CLNK: variants seen among roughly 807,000 people sequenced by gnomAD.
CLNK encodes the protein cytokine dependent hematopoietic cell linker.
Under a neutral mutation model 68.6 loss-of-function variants are expected in CLNK, and 74 were observed. That is an observed-to-expected ratio of 1.08 (90% CI 0.89 to 1.31). CLNK has a LOEUF of 1.31. Among genes scored for constraint, CLNK ranks in the 50% most tolerant of loss-of-function variants. The pLI is 0.00. For missense variants in CLNK, 553 were observed against 515.3 expected, an observed-to-expected ratio of 1.07 and a Z score of -0.71; for synonymous variants, 198 against 172.2, an observed-to-expected ratio of 1.15 and a Z score of -1.17.
At chr4:10,655,101 G>GAA (rs748148319) in intron 2 of CLNK, among the ~76,000 whole-genome samples, 76 of 72,724 alleles carry the variant, frequency 1.0e-3, no homozygotes, top group Admixed American at 2.8e-3. Context: ...ACACCGACTC[G>GAA]AAAAAAAAAA....
At chr4:10,559,168 C>G (rs1191597269) in intron 7 of CLNK, among the ~76,000 whole-genome samples, 1 of 152,074 alleles carries the variant, frequency 6.6e-6, no homozygotes, top group Admixed American at 6.5e-5. Context: ...ATAAAGGGGT[C>G]CCTACGTCTT....
chr4:10,659,387 A>T (rs4339204), intron 2 of CLNK, among the ~76,000 whole-genome samples: 67,496 of 152,074 alleles, frequency 0.44, 15,568 homozygotes, highest in East Asian at 0.53. Flanking sequence ...TAGTTACTAT[A>T]ACGATTTCAT....
intron 7 of CLNK, among the ~76,000 whole-genome samples, chr4:10,562,090 CTTTTTCTTTTCT>C (rs1408121191): frequency 7.8e-6 from 1 of 128,514 alleles, no homozygotes; most frequent in African/African-American, 2.9e-5. Context: ...CATTTCTTTT[CTTTTTCTTTTCT>C]TTTTTTTTTT....
At chr4:10,695,347 T>C in the CLNK span, among the ~76,000 whole-genome samples, 1 of 152,218 alleles carries the variant, frequency 6.6e-6, no homozygotes, top group Non-Finnish European at 1.5e-5. Context: ...CAATTTATAA[T>C]TTAGTTGACA....
At chr4:10,513,676 A>T in intron 15 of CLNK, 79 bp from the exon 16 acceptor site, 8 of 1,405,970 alleles carry the variant, frequency 5.7e-6, no homozygotes, top group Non-Finnish European at 9.5e-7. Context: ...AGGAGCTGAA[A>T]CCCTTTGCTC....
chr4:10,665,169 T>C (rs1724341100), intron 2 of CLNK, among the ~76,000 whole-genome samples: 2 of 152,232 alleles, frequency 1.3e-5, no homozygotes, highest in African/African-American at 2.4e-5. Flanking sequence ...GGTTTGGCTG[T>C]CCTCTGGCCT....
At chr4:10,630,393 C>T (rs1390587937) in intron 2 of CLNK, among the ~76,000 whole-genome samples, 5 of 152,246 alleles carry the variant, frequency 3.3e-5, no homozygotes, top group East Asian at 3.8e-4. Context: ...CTGGCCCAGG[C>T]TCTCACAGGC....
At chr4:10,547,194 G>A (rs1719266643) in intron 8 of CLNK, among the ~76,000 whole-genome samples, 1 of 152,170 alleles carries the variant, frequency 6.6e-6, no homozygotes, top group Admixed American at 6.5e-5. Context: ...ACGAGGAGGA[G>A]GTAAGCCCAG....
chr4:10,716,129 G>A, the CLNK span, among the ~76,000 whole-genome samples: 17 of 152,192 alleles, frequency 1.1e-4, no homozygotes, highest in East Asian at 1.7e-3. Flanking sequence ...AACAATAAGC[G>A]GTTTCTGAAT....
chr4:10,562,607 T>C (rs962066841), intron 7 of CLNK, among the ~76,000 whole-genome samples: 2 of 152,168 alleles, frequency 1.3e-5, no homozygotes, highest in Non-Finnish European at 2.9e-5. Context: ...AGTTTTACCA[T>C]GTTGGCCAGG....
At chr4:10,577,926 A>T (rs1394822236) in intron 4 of CLNK, among the ~76,000 whole-genome samples, 1 of 152,200 alleles carries the variant, frequency 6.6e-6, no homozygotes, top group African/African-American at 2.4e-5. Flanking sequence ...GGAAGGCAAC[A>T]TGTATTTCAT....
the CLNK span, among the ~76,000 whole-genome samples, chr4:10,690,102 G>A: frequency 1.3e-5 from 2 of 152,096 alleles, no homozygotes; most frequent in Non-Finnish European, 2.9e-5. Context: ...CAATTTTCAT[G>A]GCTGCTAAGA....
chr4:10,728,745 C>T, the CLNK span, among the ~76,000 whole-genome samples: 3 of 151,796 alleles, frequency 2.0e-5, no homozygotes, highest in Non-Finnish European at 2.9e-5. Flanking sequence ...CCTGCCACCA[C>T]GCCTGGCTAA....
intron 2 of CLNK, among the ~76,000 whole-genome samples, chr4:10,651,985 AAAAAGAAAC>A (rs1223204126): frequency 6.6e-6 from 1 of 152,020 alleles, no homozygotes; most frequent in Non-Finnish European, 1.5e-5. Context: ...GAGATCAAAA[AAAAAGAAAC>A]AAAAAGGGGG....
At chr4:10,685,183 C>G (rs1725225446), upstream of CLNK, 1 of 152,112 alleles carries the variant, frequency 6.6e-6, no homozygotes, top group Non-Finnish European at 1.5e-5. Flanking sequence ...AGGAAAGAAC[C>G]TGGGAACTAA....
the CLNK span, among the ~76,000 whole-genome samples, chr4:10,730,069 G>A: frequency 0.073 from 11,064 of 152,238 alleles, 529 homozygotes; most frequent in East Asian, 0.18. Flanking sequence ...ATGATTAAAA[G>A]CCAAAAGATA....
chr4:10,569,213 T>A (rs1720244085), intron 5 of CLNK, among the ~76,000 whole-genome samples: 1 of 146,978 alleles, frequency 6.8e-6, no homozygotes, highest in Non-Finnish European at 1.5e-5. Context: ...TTTTGGTCAT[T>A]TTTCCATTCC....
rs1716392273 is a variant in CLNK at position 10,487,480 on chromosome 4, C to A, written c.*2987G>T. Reference sequence around the variant, plus strand: ...ATGTGATTGTCCTTACTACAATCAACACTGAAAACAGTGAATTCAGGATGT... The same window carrying A: ...ATGTGATTGTCCTTACTACAATCAAAACTGAAAACAGTGAATTCAGGATGT... On this transcript the variant is annotated 3_prime_UTR_variant, in exon 19 of 19. Coordinates refer to ENST00000226951, the MANE Select transcript of CLNK (RefSeq NM_052964.4). 6.6e-6 allele frequency: 1 copy of A among 152,150 alleles called. No homozygotes were observed. Among genetic ancestry groups the A allele is most frequent in the African/African-American group, 2.4e-5 (1 of 41,434 alleles). The allele number at this position is 152,150 out of a possible 1,614,324, so 9.4% of individuals were successfully genotyped here. A position where few individuals can be genotyped will look rare whatever the true frequency, so the allele number is the denominator to read the frequency against.
At chr4:10,573,371 TCCTGCCTACA>T (rs1316465402) in intron 4 of CLNK, among the ~76,000 whole-genome samples, 1 of 152,118 alleles carries the variant, frequency 6.6e-6, no homozygotes, top group Non-Finnish European at 1.5e-5. Context: ...AGGAACAGAA[TCCTGCCTACA>T]CCTGCCCCTG....
Sources: gnomAD v4.1 joint callset for allele counts (sites outside exome capture counted in the v4.1 genomes callset) on GRCh38, gnomAD v4.1.1 for gene constraint, MANE v1.5 for transcripts, NCBI Gene and HGNC (gene_info 2026-07-23, HGNC 2026-07-21) for gene names.